The following EPAS1 variants were observed in gnomAD, a reference collection of about 807,000 sequenced individuals.
EPAS1 encodes the protein endothelial PAS domain-containing protein 1.
EPAS1 carries 23 observed loss-of-function variants against 87.9 expected under a neutral mutation model. The ratio of observed to expected loss-of-function variants is 0.26; its 90% CI spans 0.19 to 0.37. The LOEUF is 0.37. Among genes scored for constraint, EPAS1 ranks in the 10% least tolerant of loss-of-function variants. The probability of loss-of-function intolerance (pLI) is 1.00; values close to 1 mark genes in which losing one functional copy is unlikely to be tolerated. For synonymous variants in EPAS1, 508 were observed against 444.3 expected, an observed-to-expected ratio of 1.14 and a Z score of -1.80; for missense variants, 1,138 against 1,120.7, an observed-to-expected ratio of 1.02 and a Z score of -0.22.
intron 7 of EPAS1, among the ~76,000 whole-genome samples, chr2:46,374,356 G>T (rs1388122234): frequency 6.6e-6 from 1 of 152,124 alleles, no homozygotes; most frequent in Admixed American, 6.5e-5. Context: ...TCTGTGACAG[G>T]CCATGGGCAT....
intron 3 of EPAS1, among the ~76,000 whole-genome samples, 196 bp downstream of exon 3, chr2:46,356,498 C>T (rs1052684183): frequency 6.6e-6 from 1 of 152,186 alleles, no homozygotes; most frequent in African/African-American, 2.4e-5. Context: ...CATGTCCATC[C>T]TGGTAGACAG....
intron 10 of EPAS1, 85 bp downstream of exon 10, chr2:46,378,172 G>A (rs2103668107): frequency 6.6e-7 from 1 of 1,526,690 alleles, no homozygotes; most frequent in Non-Finnish European, 8.8e-7. Context: ...ATTTGGGACA[G>A]GTACTGTCCT....
Position 46,297,648 on chromosome 2 carries a change from G to A in EPAS1, c.-264G>A. ...TTCCCTTCTCTCCGTCCTCTTTTCG[G>A]GTCTGACAGCCTCCACCCACTCCTT... On this transcript the variant is annotated 5_prime_UTR_variant, in exon 1 of 16. Coordinates refer to ENST00000263734, the MANE Select transcript of EPAS1 (RefSeq NM_001430.5). 1 of 522,916 alleles carries A rather than the reference G, an allele frequency of 1.9e-6. No homozygotes were observed. Among genetic ancestry groups the A allele is most frequent in the Admixed American group, 3.4e-5 (1 of 29,220 alleles). The allele number at this position is 522,916 out of a possible 1,614,324, so 32.4% of individuals were successfully genotyped here.
rs181240421 is a variant in EPAS1 at position 46,356,234 on chromosome 2, G to C, written c.301G>C (p.Val101Leu). 6.2e-7 allele frequency: 1 copy of C among 1,611,854 alleles called. No homozygotes were observed. Among genetic ancestry groups the C allele is most frequent in the African/African-American group, 1.3e-5 (1 of 74,722 alleles). ...GAAAGCCTTGGAGGGTTTCATTGCC[G>C]TGGTGACCCAAGATGGCGACATGAT... ...YLKALEGFIA[V>L]VTQDGDMIFL... Residue 101 changes from valine (V) to leucine (L), a missense_variant, in exon 3 of 16, where the codon GTG (valine) becomes CTG (leucine). Transcript: ENST00000263734.
intron 6 of EPAS1, among the ~76,000 whole-genome samples, chr2:46,366,036 T>C (rs1375634525): frequency 1.3e-5 from 2 of 152,250 alleles, no homozygotes; most frequent in African/African-American, 4.8e-5. Context: ...ACCTAGCAAA[T>C]CCTTTACTCG....
At chr2:46,378,271 C>T (rs1328159969) in intron 10 of EPAS1, among the ~76,000 whole-genome samples, 184 bp downstream of exon 10, 1 of 152,218 alleles carries the variant, frequency 6.6e-6, no homozygotes, top group Non-Finnish European at 1.5e-5. Flanking sequence ...TGTTCATCCC[C>T]CAACTCCATT....
At chr2:46,328,703 G>A (rs1454944784) in intron 1 of EPAS1, among the ~76,000 whole-genome samples, 4 of 152,166 alleles carry the variant, frequency 2.6e-5, no homozygotes, top group Admixed American at 1.3e-4. Context: ...CCATCAGAAC[G>A]TACCTTCAGC....
intron 1 of EPAS1, among the ~76,000 whole-genome samples, chr2:46,333,501 A>C (rs978899878): frequency 6.6e-6 from 1 of 152,020 alleles, no homozygotes; most frequent in Non-Finnish European, 1.5e-5. Flanking sequence ...TTGGCTCTCA[A>C]ACTTTAGGGT....
At chr2:46,355,221 C>G (rs1339735535) in intron 2 of EPAS1, among the ~76,000 whole-genome samples, 1 of 152,196 alleles carries the variant, frequency 6.6e-6, no homozygotes, top group Non-Finnish European at 1.5e-5. Context: ...ATTTACTGTT[C>G]TTATAGTTTT....
intron 7 of EPAS1, among the ~76,000 whole-genome samples, chr2:46,374,407 A>G (rs1287030057): frequency 6.6e-6 from 1 of 152,174 alleles, no homozygotes; most frequent in Non-Finnish European, 1.5e-5. Context: ...GGCTTTTCCT[A>G]TACAAAATTT....
At chr2:46,379,101 CAT>C in intron 11 of EPAS1, among the ~76,000 whole-genome samples, 1 of 152,212 alleles carries the variant, frequency 6.6e-6, no homozygotes. Context: ...CATGTATAAA[CAT>C]AGGGGACAAT....
At chr2:46,321,840 A>G (rs1683459735) in intron 1 of EPAS1, among the ~76,000 whole-genome samples, 1 of 152,148 alleles carries the variant, frequency 6.6e-6, no homozygotes, top group African/African-American at 2.4e-5. Flanking sequence ...AGGTTATTAT[A>G]TATAATAACT....
Position 46,384,719 on chromosome 2 carries a change from T to C in EPAS1, c.*59T>C. On this transcript the variant is annotated 3_prime_UTR_variant, in exon 16 of 16. Transcript: ENST00000263734. ...ACGCCGTCCCACCAGCTTCACTCTC[T>C]CCGTCTGTTTTTGCAACTAGGTATT... The C allele has an allele frequency of 6.3e-7, 1 of 1,591,584 alleles. No homozygotes were observed.
intron 1 of EPAS1, among the ~76,000 whole-genome samples, chr2:46,328,924 T>C (rs1683617032): frequency 6.6e-6 from 1 of 152,236 alleles, no homozygotes; most frequent in South Asian, 2.1e-4. Flanking sequence ...CTCCTTTTTG[T>C]TCATAAAAAA....
intron 1 of EPAS1, among the ~76,000 whole-genome samples, chr2:46,334,006 A>C (rs1445165449): frequency 3.3e-5 from 5 of 152,136 alleles, no homozygotes; most frequent in Non-Finnish European, 5.9e-5. Flanking sequence ...TTCAGCAAGA[A>C]TGCCTTGCGG....
chr2:46,384,869 A>C lies in EPAS1; in HGVS notation c.*209A>C. The stretch of plus-strand genomic sequence containing the variant: ...TATTTTTAAAGTACACAATTGTTTT[A>C]CCTGTTCTGAAATGTTCTTAAATTT... On this transcript the variant is annotated 3_prime_UTR_variant, in exon 16 of 16. Coordinates refer to ENST00000263734, the MANE Select transcript of EPAS1 (RefSeq NM_001430.5). The C allele has an allele frequency of 1.6e-6, 1 of 631,686 alleles. No individual in the cohort carries two copies. The highest frequency in any genetic ancestry group is 2.7e-6 in the Non-Finnish European group (1 of 369,002). The allele number at this position is 631,686 out of a possible 1,614,324, so 39.1% of individuals were successfully genotyped here. A position where few individuals can be genotyped will look rare whatever the true frequency, so the allele number is the denominator to read the frequency against.
rs535860790 is a variant in EPAS1 at position 46,356,133 on chromosome 2, A to G, written c.218-18A>G. On this transcript the variant is annotated intron_variant, in intron 2 of 15. Transcript: ENST00000263734. ...ACTCCACATTCATGCAAGCTGTCCC[A>G]CCCCCCCCCCTTTCCAGTTTGCTCT... The G allele has an allele frequency of 1.2e-5, 15 of 1,219,266 alleles. No individual in the cohort carries two copies. The highest frequency in any genetic ancestry group is 7.2e-5 in the African/African-American group (4 of 55,908). The allele number at this position is 1,219,266 out of a possible 1,614,324, so 75.5% of individuals were successfully genotyped here.
chr2:46,319,174 A>G (rs1454005440), intron 1 of EPAS1, among the ~76,000 whole-genome samples: 2 of 152,256 alleles, frequency 1.3e-5, no homozygotes, highest in Admixed American at 6.5e-5. Context: ...CTCTAGGCTT[A>G]GAATAATTCA....
intron 1 of EPAS1, among the ~76,000 whole-genome samples, chr2:46,309,879 C>A (rs1308394376): frequency 1.3e-5 from 2 of 152,182 alleles, no homozygotes; most frequent in African/African-American, 4.8e-5. Context: ...TCTTCTGGCA[C>A]ATGAGAAGCT....
Sources: allele counts gnomAD v4.1 joint callset (sites outside exome capture counted in the v4.1 genomes callset), GRCh38; gene constraint gnomAD v4.1.1; transcripts MANE v1.5; gene names NCBI Gene and HGNC (gene_info 2026-07-23, HGNC 2026-07-21).